Variants in SBF2 observed in about 807,000 individuals in gnomAD.
The protein encoded by SBF2 is myotubularin-related protein 13.
A neutral mutation model predicts 225.2 loss-of-function variants in SBF2; 112 were observed. The ratio of observed to expected loss-of-function variants is 0.50; its 90% CI spans 0.43 to 0.58. The LOEUF is 0.58. Among genes scored for constraint, SBF2 ranks in the 20% least tolerant of loss-of-function variants. The pLI is 0.00. For missense variants in SBF2, 1,996 were observed against 2,206.2 expected, an observed-to-expected ratio of 0.90 and a Z score of 1.91; for synonymous variants, 763 against 773.3, an observed-to-expected ratio of 0.99 and a Z score of 0.22.
At chr11:10,142,377 C>T (rs1365250681) in intron 2 of SBF2, among the ~76,000 whole-genome samples, 2 of 152,164 alleles carry the variant, frequency 1.3e-5, no homozygotes, top group East Asian at 3.8e-4. Flanking sequence ...CTGACTCTCA[C>T]AACTAATTTA....
rs145647154 is a variant in SBF2 at position 9,839,520 on chromosome 11, T to C, written c.3433A>G (p.Arg1145Gly). ...PEYFRITASN[R>G]MYSLCRSYPG... is the part of the protein sequence containing the mutation. The stretch of plus-strand genomic sequence containing the variant: ...TACCTCCGGCAGAGTGAATACATCC[T>C]GTTGGAGGCAGTAATTCTAAAATAC... Residue 1145 changes from arginine to glycine, a missense_variant, in exon 26 of 40, where the codon AGG becomes GGG. By Grantham distance (125) the Arg-to-Gly change is moderately radical (BLOSUM62 -2). Coordinates refer to ENST00000256190, the MANE Select transcript of SBF2 (RefSeq NM_030962.4). The C allele has an allele frequency of 3.4e-4, 548 of 1,614,198 alleles. No homozygotes were observed. Among genetic ancestry groups the C allele is most frequent in the Non-Finnish European group, 4.4e-4 (525 of 1,180,026 alleles).
intron 2 of SBF2, among the ~76,000 whole-genome samples, chr11:10,141,345 T>C (rs1954633921): frequency 1.3e-5 from 2 of 152,202 alleles, no homozygotes; most frequent in Non-Finnish European, 2.9e-5. Context: ...AAGGAGTCAT[T>C]AGATAATTTT....
intron 16 of SBF2, among the ~76,000 whole-genome samples, chr11:9,907,932 T>A (rs1862238902): frequency 1.3e-5 from 2 of 152,232 alleles, no homozygotes; most frequent in South Asian, 4.1e-4. Context: ...ATTATTTGCT[T>A]GCGATTATAT....
intron 33 of SBF2, among the ~76,000 whole-genome samples, chr11:9,792,855 T>A (rs1264787652): frequency 6.6e-6 from 1 of 151,446 alleles, no homozygotes; most frequent in Non-Finnish European, 1.5e-5. Flanking sequence ...TGGGCTCAAG[T>A]GATCCTCCCA....
intron 16 of SBF2, among the ~76,000 whole-genome samples, chr11:9,898,972 C>T (rs1861499088): frequency 6.6e-6 from 1 of 151,506 alleles, no homozygotes; most frequent in Non-Finnish European, 1.5e-5. Flanking sequence ...GGAAGGAGAA[C>T]TGGTGAGAAT....
intron 1 of SBF2, among the ~76,000 whole-genome samples, chr11:10,255,435 G>A (rs1168462918): frequency 3.9e-5 from 6 of 152,072 alleles, no homozygotes; most frequent in African/African-American, 1.2e-4. Context: ...GGGGGAAATG[G>A]TTATAAATAT....
intron 27 of SBF2, 32 bp from the exon 28 acceptor site, chr11:9,829,528 ACTGTCT>A (rs766679311): frequency 2.6e-6 from 4 of 1,546,560 alleles, no homozygotes; most frequent in South Asian, 2.2e-5. Flanking sequence ...AATAAAATAA[ACTGTCT>A]CTGTGTTAAC....
In SBF2 at chr11:10,001,974, GATTTT is replaced by G. The variant is rs942252767; in HGVS notation, c.752+578_752+582del. 1.2e-3 allele frequency among the ~76,000 whole-genome samples: 175 copies of G among 152,014 alleles called. 1 individual carries two copies. Among genetic ancestry groups the G allele is most frequent in the African/African-American group, 3.8e-3 (158 of 41,478 alleles). On this transcript the variant is annotated intron_variant, in intron 7 of 39. Transcript: ENST00000256190. ...CAGCACTATTAGTCATCACTGTTTA[GATTTT>G]ATTTTGTTTTTTAGTTTTTATTAGG...
intron 16 of SBF2, among the ~76,000 whole-genome samples, chr11:9,896,465 A>G (rs930544670): frequency 4.6e-5 from 7 of 151,982 alleles, no homozygotes; most frequent in African/African-American, 1.5e-4. Flanking sequence ...TTGACTGGAG[A>G]TATTTTTTTC....
At chr11:9,952,821 T>C (rs567901419) in intron 16 of SBF2, among the ~76,000 whole-genome samples, 1 of 152,320 alleles carries the variant, frequency 6.6e-6, no homozygotes, top group East Asian at 1.9e-4. Flanking sequence ...CTTTCCTGCA[T>C]ATCAAAACCA....
intron 6 of SBF2, among the ~76,000 whole-genome samples, chr11:10,025,418 A>T (rs546190702): frequency 6.6e-6 from 1 of 152,088 alleles, no homozygotes; most frequent in East Asian, 1.9e-4. Flanking sequence ...CTTAAATTCC[A>T]ATTTTCCCTC....
chr11:10,212,577 T>C (rs542251653), intron 1 of SBF2, among the ~76,000 whole-genome samples: 3 of 152,232 alleles, frequency 2.0e-5, no homozygotes, highest in Non-Finnish European at 4.4e-5. Flanking sequence ...TTAGACATTA[T>C]GGAGACCTAA....
intron 32 of SBF2, among the ~76,000 whole-genome samples, chr11:9,804,539 ATCATGATACAGAACAGTT>A (rs1190605501): frequency 6.6e-6 from 1 of 152,204 alleles, no homozygotes; most frequent in Non-Finnish European, 1.5e-5. Context: ...CATCACCACA[ATCATGATACAGAACAGTT>A]TCCTGACGCT....
intron 16 of SBF2, among the ~76,000 whole-genome samples, chr11:9,901,697 T>G (rs1225805621): frequency 6.6e-6 from 1 of 152,120 alleles, no homozygotes; most frequent in East Asian, 1.9e-4. Context: ...GAGGCTGGAG[T>G]GCTGTGGTGC....
chr11:10,102,733 C>T (rs534997665), intron 2 of SBF2, among the ~76,000 whole-genome samples: 1 of 152,174 alleles, frequency 6.6e-6, no homozygotes, highest in South Asian at 2.1e-4. Flanking sequence ...AAAATAAAAG[C>T]ACACTGATAT....
chr11:9,849,971 G>T, intron 22 of SBF2, 52 bp downstream of exon 22: 3 of 1,515,622 alleles, frequency 2.0e-6, no homozygotes, highest in African/African-American at 1.4e-5. Flanking sequence ...ATGGGATCGA[G>T]ACCTCATGTA....
At chr11:10,286,273 C>T (rs980147966) in intron 1 of SBF2, among the ~76,000 whole-genome samples, 16 of 152,078 alleles carry the variant, frequency 1.1e-4, no homozygotes, top group Non-Finnish European at 2.1e-4. Context: ...TAAAACATCA[C>T]GCTGTCCACC....
intron 2 of SBF2, among the ~76,000 whole-genome samples, chr11:10,139,449 C>T (rs904037336): frequency 1.1e-4 from 16 of 152,040 alleles, no homozygotes; most frequent in African/African-American, 3.4e-4. Flanking sequence ...TTCAAATTAG[C>T]GTATTAGAAG....
At chr11:10,285,725 C>G (rs1047735157) in intron 1 of SBF2, among the ~76,000 whole-genome samples, 1 of 152,232 alleles carries the variant, frequency 6.6e-6, no homozygotes, top group African/African-American at 2.4e-5. Flanking sequence ...CCCATTCCCA[C>G]CCTGTGGAGT....
Sources: allele counts gnomAD v4.1 joint callset (sites outside exome capture counted in the v4.1 genomes callset), GRCh38; gene constraint gnomAD v4.1.1; transcripts MANE v1.5; gene names NCBI Gene and HGNC (gene_info 2026-07-23, HGNC 2026-07-21).